The following FLI1 variants were observed in gnomAD, a reference collection of about 807,000 sequenced individuals.
The protein encoded by FLI1 is Friend leukemia integration 1 transcription factor.
FLI1 carries 13 observed loss-of-function variants against 53.1 expected under a neutral mutation model. That is an observed-to-expected ratio of 0.24 (90% CI 0.16 to 0.39). The LOEUF is 0.39. FLI1 is among the 10% of genes least tolerant of loss of function. FLI1 has a pLI of 1.00. For synonymous variants in FLI1, 244 were observed against 236.7 expected, an observed-to-expected ratio of 1.03 and a Z score of -0.28; for missense variants, 424 against 600.5, an observed-to-expected ratio of 0.71 and a Z score of 3.07.
chr11:128,687,230 G>T (rs1204147107), intron 1 of FLI1, among the ~76,000 whole-genome samples: 1 of 152,130 alleles, frequency 6.6e-6, no homozygotes, highest in Non-Finnish European at 1.5e-5. Context: ...CTTCGGAAGC[G>T]CAGATTGCTA....
intron 1 of FLI1, among the ~76,000 whole-genome samples, chr11:128,694,869 C>T (rs1359263318): frequency 1.3e-5 from 2 of 152,176 alleles, no homozygotes; most frequent in African/African-American, 4.8e-5. Context: ...AGCGCTTTCC[C>T]TTCCTCTCGG....
At chr11:128,701,763 C>T (rs374738656) in intron 1 of FLI1, among the ~76,000 whole-genome samples, 11 of 152,272 alleles carry the variant, frequency 7.2e-5, no homozygotes, top group Non-Finnish European at 1.2e-4. Flanking sequence ...TGCTATGTGT[C>T]CAAGGCAATG....
chr11:128,687,797 C>A (rs1937604777), intron 1 of FLI1, among the ~76,000 whole-genome samples: 1 of 152,122 alleles, frequency 6.6e-6, no homozygotes, highest in Non-Finnish European at 1.5e-5. Context: ...AGCAGTCACT[C>A]GTCATTTCAG....
intron 5 of FLI1, among the ~76,000 whole-genome samples, chr11:128,792,184 C>G (rs907335900): frequency 3.9e-5 from 6 of 152,150 alleles, no homozygotes; most frequent in African/African-American, 1.4e-4. Flanking sequence ...GAAACAGAAA[C>G]AGAAGAGAGC....
chr11:128,803,751 C>T (rs1942699314), intron 5 of FLI1: 1 of 152,268 alleles, frequency 6.6e-6, no homozygotes, highest in South Asian at 2.1e-4. Flanking sequence ...CCTCCTCCTG[C>T]TCAAAGAAAA....
In FLI1 at chr11:128,708,773, C is replaced by T. The variant is rs552411975; in HGVS notation, c.18+14497C>T. 1.4e-4 allele frequency among the ~76,000 whole-genome samples: 22 copies of T among 152,250 alleles called. No individual in the cohort carries two copies. The South Asian group carries it at 2.1e-3, about 14-fold the overall frequency. On this transcript the variant is annotated intron_variant, in intron 1 of 8. Coordinates refer to ENST00000527786, the MANE Select transcript of FLI1 (RefSeq NM_002017.5). ...TGTAACAAGATTGCTGTAAATCATG[C>T]GGCATTTCAGATTCCGAGCCTTATT...
chr11:128,766,950 T>TTCTCCTTGGCCTTCCCATCG (rs146104526), intron 2 of FLI1, among the ~76,000 whole-genome samples: 30,776 of 151,022 alleles, frequency 0.2, 3,910 homozygotes, highest in Non-Finnish European at 0.29. Flanking sequence ...CGGCTACAGC[T>TTCTCCTTGGCCTTCCCATCG]TCTCCTTGGC....
chr11:128,763,602 G>A (rs1178416562), intron 2 of FLI1, among the ~76,000 whole-genome samples: 1 of 152,210 alleles, frequency 6.6e-6, no homozygotes, highest in East Asian at 1.9e-4. Flanking sequence ...CCAGGGTCTG[G>A]ATGCCCTGGA....
intron 2 of FLI1, among the ~76,000 whole-genome samples, chr11:128,766,969 C>T (rs1020379601): frequency 6.6e-6 from 1 of 152,014 alleles, no homozygotes; most frequent in Non-Finnish European, 1.5e-5. Context: ...GCCTTCCCAT[C>T]GTCTCCTTTG....
At chr11:128,689,365 C>A (rs948885390), upstream of FLI1, among the ~76,000 whole-genome samples, 2 of 152,182 alleles carry the variant, frequency 1.3e-5, no homozygotes, top group Non-Finnish European at 2.9e-5. Flanking sequence ...CCGCCCAACA[C>A]CCCCGCAGGA....
chr11:128,756,186 G>A (rs1940853530), intron 1 of FLI1, among the ~76,000 whole-genome samples: 1 of 152,182 alleles, frequency 6.6e-6, no homozygotes, highest in Non-Finnish European at 1.5e-5. Context: ...ACATACCAGG[G>A]CTGAGTGGCT....
Position 128,753,388 on chromosome 11 carries a change from T to A in FLI1, c.19-4727T>A, listed in dbSNP as rs149858867. Reference sequence around the variant, plus strand: ...TCTTTTAAATAATAACTAACTTCTCTTCCCTTGAATAAAATAATCAGCAAC... The same window carrying A: ...TCTTTTAAATAATAACTAACTTCTCATCCCTTGAATAAAATAATCAGCAAC... On this transcript the variant is annotated intron_variant, in intron 1 of 8. Coordinates refer to ENST00000527786, the MANE Select transcript of FLI1 (RefSeq NM_002017.5). Among the ~76,000 whole-genome samples, 5 of 152,316 alleles carry A rather than the reference T, an allele frequency of 3.3e-5. No individual in the cohort carries two copies. In the East Asian group the frequency reaches 9.6e-4, roughly 29 times the overall value.
chr11:128,714,297 C>T (rs1465045596), intron 1 of FLI1, among the ~76,000 whole-genome samples: 2 of 151,658 alleles, frequency 1.3e-5, no homozygotes, highest in African/African-American at 4.8e-5. Context: ...CTATCCTGAT[C>T]TCCATCAAAG....
At chr11:128,776,124 T>G (rs1399832737) in intron 4 of FLI1, among the ~76,000 whole-genome samples, 1 of 152,260 alleles carries the variant, frequency 6.6e-6, no homozygotes, top group Non-Finnish European at 1.5e-5. Context: ...ACATTTTAAA[T>G]GCAAATGTAT....
At position 128,747,019 on chromosome 11, in the gene FLI1, C is replaced by A. The variant is rs545869389; in HGVS notation, c.19-11096C>A. Reference sequence around the variant, plus strand: ...AGCCAGGATGGCCAGGGCTCCTCTGCAGGAAGAGGCTGCTCCCAGTGTGGT... The same window carrying A: ...AGCCAGGATGGCCAGGGCTCCTCTGAAGGAAGAGGCTGCTCCCAGTGTGGT... On this transcript the variant is annotated intron_variant, in intron 1 of 8. Transcript: ENST00000527786. 2.0e-5 allele frequency among the ~76,000 whole-genome samples: 3 copies of A among 152,342 alleles called. No individual in the cohort carries two copies. In the South Asian group the frequency reaches 6.2e-4, roughly 32 times the overall value.
At chr11:128,720,885 G>T (rs1939225765) in intron 1 of FLI1, among the ~76,000 whole-genome samples, 1 of 152,176 alleles carries the variant, frequency 6.6e-6, no homozygotes, top group African/African-American at 2.4e-5. Context: ...TGTGGCGGAG[G>T]TGGGGAAGGT....
At chr11:128,713,394 A>T (rs2135722256) in intron 1 of FLI1, among the ~76,000 whole-genome samples, 1 of 152,296 alleles carries the variant, frequency 6.6e-6, no homozygotes, top group Middle Eastern at 3.4e-3. Context: ...TTCAAATTGC[A>T]TTGGGAAGAA....
intron 1 of FLI1, among the ~76,000 whole-genome samples, chr11:128,687,521 G>C (rs1194952435): frequency 6.6e-6 from 1 of 152,084 alleles, no homozygotes; most frequent in Non-Finnish European, 1.5e-5. Context: ...AGGACTCTCC[G>C]CAGTGCTGCA....
intron 2 of FLI1, among the ~76,000 whole-genome samples, chr11:128,766,827 T>C (rs911187435): frequency 3.3e-5 from 5 of 152,204 alleles, no homozygotes; most frequent in Non-Finnish European, 7.4e-5. Context: ...GTTGGAAGGC[T>C]GTAATCTGAA....
Sources: gnomAD v4.1 joint callset for allele counts (sites outside exome capture counted in the v4.1 genomes callset) on GRCh38, gnomAD v4.1.1 for gene constraint, MANE v1.5 for transcripts, NCBI Gene and HGNC (gene_info 2026-07-23, HGNC 2026-07-21) for gene names.